TPTE: variants seen among roughly 807,000 people sequenced by gnomAD.
TPTE encodes the protein putative tyrosine-protein phosphatase TPTE.
Under a neutral mutation model 84.1 loss-of-function variants are expected in TPTE, and 59 were observed. The observed-to-expected ratio is 0.70, with a 90% confidence interval of 0.57 to 0.87. TPTE has a LOEUF of 0.87. Among genes scored for constraint, TPTE ranks in the 40% least tolerant of loss-of-function variants. The pLI is 0.00. For synonymous variants in TPTE, 130 were observed against 223.5 expected, an observed-to-expected ratio of 0.58 and a Z score of 3.73; for missense variants, 382 against 659.6, an observed-to-expected ratio of 0.58 and a Z score of 4.61.
chr21:10,529,927 A>ATTTT (rs2074147498), intron 3 of TPTE, among the ~76,000 whole-genome samples: 1 of 151,410 alleles, frequency 6.6e-6, no homozygotes, highest in Non-Finnish European at 1.5e-5. Context: ...TTTTTTTTAA[A>ATTTT]AAAAGTAGTT....
intron 5 of TPTE, among the ~76,000 whole-genome samples, chr21:10,541,549 A>G (rs1166079667): frequency 6.6e-6 from 1 of 152,300 alleles, no homozygotes; most frequent in Non-Finnish European, 1.5e-5. Context: ...TAGTGGGATT[A>G]ACTCTCAGAT....
At chr21:10,533,332 A>G (rs1201865080) in intron 3 of TPTE, among the ~76,000 whole-genome samples, 11 of 152,416 alleles carry the variant, frequency 7.2e-5, no homozygotes, top group African/African-American at 1.7e-4. Flanking sequence ...TCATGTTTCA[A>G]CATCTTCCTT....
chr21:10,538,902 A>G (rs1349282162), intron 4 of TPTE, among the ~76,000 whole-genome samples, 168 bp downstream of exon 4: 4 of 152,306 alleles, frequency 2.6e-5, no homozygotes, highest in East Asian at 3.8e-4. Context: ...CAGTGGAAAC[A>G]TACAACAAGG....
chr21:10,521,918 C>G (rs1406893299), intron 1 of TPTE, among the ~76,000 whole-genome samples: 1 of 152,252 alleles, frequency 6.6e-6, no homozygotes, highest in Non-Finnish European at 1.5e-5. Context: ...CCCTCCCTCC[C>G]TCCGCCCTCC....
intron 10 of TPTE, among the ~76,000 whole-genome samples, chr21:10,566,038 T>C (rs2074914227): frequency 6.6e-6 from 1 of 152,310 alleles, no homozygotes; most frequent in Non-Finnish European, 1.5e-5. Flanking sequence ...AACTGCTTCA[T>C]AGCAGAGGAA....
rs1486651349 is a variant in TPTE, at chr21:10,556,487, G to A, written c.234-3007G>A. 3.3e-5 allele frequency among the ~76,000 whole-genome samples: 5 copies of A among 152,420 alleles called. No homozygotes were observed. In the East Asian group the frequency reaches 9.6e-4, roughly 29 times the overall value. On this transcript the variant is annotated intron_variant, in intron 8 of 23. Coordinates refer to ENST00000618007, the MANE Select transcript of TPTE (RefSeq NM_199261.4). ...TTCCAAGTCTTTGCTATTGTGAATAGTGCCGCAATAAACATACGTGTGCAT... is the reference window on the plus strand; with the variant it reads ...TTCCAAGTCTTTGCTATTGTGAATAATGCCGCAATAAACATACGTGTGCAT...
chr21:10,592,409 G>T (rs773959134), intron 19 of TPTE, 36 bp downstream of exon 19: 2 of 1,607,124 alleles, frequency 1.2e-6, no homozygotes, highest in Admixed American at 1.7e-5. Context: ...GTTTTTTTAG[G>T]GGTGTGGGTT....
chr21:10,560,709 TAAG>T (rs1379334157), intron 9 of TPTE, among the ~76,000 whole-genome samples: 3 of 152,312 alleles, frequency 2.0e-5, no homozygotes, highest in Admixed American at 6.5e-5. Context: ...TCGCAAATTT[TAAG>T]AAGAGTTTGT....
intron 17 of TPTE, among the ~76,000 whole-genome samples, chr21:10,579,176 A>T (rs1032569318): frequency 6.6e-6 from 1 of 152,306 alleles, no homozygotes; most frequent in Non-Finnish European, 1.5e-5. Flanking sequence ...ATGTTGTACA[A>T]TAAATTTCCT....
intron 2 of TPTE, among the ~76,000 whole-genome samples, 172 bp downstream of exon 2, chr21:10,524,860 AG>A (rs1600846745): frequency 6.6e-6 from 1 of 152,312 alleles, no homozygotes; most frequent in East Asian, 1.9e-4. Context: ...ATAACTCTGA[AG>A]GTATGGAATT....
intron 22 of TPTE, among the ~76,000 whole-genome samples, chr21:10,603,097 T>G (rs1978780116): frequency 6.6e-6 from 1 of 152,312 alleles, no homozygotes; most frequent in Non-Finnish European, 1.5e-5. Flanking sequence ...ATCAGTCACA[T>G]GGAGAAACTG....
intron 7 of TPTE, among the ~76,000 whole-genome samples, chr21:10,551,092 A>G (rs1271524757): frequency 1.8e-4 from 28 of 152,302 alleles, no homozygotes; most frequent in African/African-American, 6.8e-4. Flanking sequence ...CAGGGGACGC[A>G]GCAAAAGCAG....
intron 17 of TPTE, among the ~76,000 whole-genome samples, chr21:10,581,704 G>A (rs1363541102): frequency 1.4e-4 from 21 of 152,284 alleles, no homozygotes; most frequent in Non-Finnish European, 2.6e-4. Context: ...AAATTTGATC[G>A]TGATTTATTT....
intron 10 of TPTE, among the ~76,000 whole-genome samples, chr21:10,561,791 C>T (rs1215881567): frequency 6.6e-6 from 1 of 152,312 alleles, no homozygotes; most frequent in Non-Finnish European, 1.5e-5. Context: ...TGTGGATCCA[C>T]CTGTAGGCTA....
chr21:10,600,105 TTATTTG>T (rs1352810492), intron 21 of TPTE, among the ~76,000 whole-genome samples: 41 of 102,648 alleles, frequency 4.0e-4, no homozygotes. Flanking sequence ...CTGCCCGACA[TTATTTG>T]TTGTTGTTTT....
chr21:10,574,506 G>A (rs2075111387), intron 14 of TPTE, among the ~76,000 whole-genome samples: 1 of 152,424 alleles, frequency 6.6e-6, no homozygotes, highest in South Asian at 2.1e-4. Context: ...GATGCAAGAT[G>A]GCCAATTAGA....
chr21:10,572,117 C>T (rs1323721914), intron 14 of TPTE, among the ~76,000 whole-genome samples: 1 of 152,300 alleles, frequency 6.6e-6, no homozygotes, highest in Non-Finnish European at 1.5e-5. Context: ...AAAAGGTCTT[C>T]TCTGAGGTGC....
At chr21:10,563,058 C>T (rs985511158) in intron 10 of TPTE, among the ~76,000 whole-genome samples, 1 of 152,306 alleles carries the variant, frequency 6.6e-6, no homozygotes, top group African/African-American at 2.4e-5. Context: ...TATCTGGCAG[C>T]AGACTCTTTA....
intron 1 of TPTE, among the ~76,000 whole-genome samples, chr21:10,523,258 C>CT (rs1188846612): frequency 6.6e-6 from 1 of 151,958 alleles, no homozygotes; most frequent in African/African-American, 2.4e-5. Context: ...ACCCCATGCC[C>CT]TTCTCCCTCA....
Sources: gnomAD v4.1 joint callset for allele counts (sites outside exome capture counted in the v4.1 genomes callset) on GRCh38, gnomAD v4.1.1 for gene constraint, MANE v1.5 for transcripts, NCBI Gene and HGNC (gene_info 2026-07-23, HGNC 2026-07-21) for gene names.